The following ECT2L variants were observed in gnomAD, a reference collection of about 807,000 sequenced individuals.
ECT2L encodes the protein epithelial cell-transforming sequence 2 oncogene-like.
A neutral mutation model predicts 122.8 loss-of-function variants in ECT2L; 126 were observed. The ratio of observed to expected loss-of-function variants is 1.03; its 90% CI spans 0.89 to 1.19. The LOEUF (loss-of-function observed/expected upper bound fraction) is 1.19. Among genes scored for constraint, ECT2L ranks in the 50% most tolerant of loss-of-function variants. The pLI is 0.00. For missense variants in ECT2L, 1,012 were observed against 1,064.1 expected, an observed-to-expected ratio of 0.95 and a Z score of 0.68; for synonymous variants, 385 against 381.8, an observed-to-expected ratio of 1.01 and a Z score of -0.10.
At chr6:138,854,550 T>G (rs1263336407) in intron 10 of ECT2L, among the ~76,000 whole-genome samples, 1 of 152,276 alleles carries the variant, frequency 6.6e-6, no homozygotes, top group South Asian at 2.1e-4. Context: ...GAACCTGAAC[T>G]TGAGTCCCGC....
chr6:138,802,465 A>C (rs1032927763), intron 1 of ECT2L, among the ~76,000 whole-genome samples: 37 of 152,268 alleles, frequency 2.4e-4, no homozygotes, highest in African/African-American at 8.4e-4. Flanking sequence ...ACACTGTGAT[A>C]GTCTCCATAT....
chr6:138,835,339 A>G (rs1041020856), intron 4 of ECT2L, among the ~76,000 whole-genome samples: 1 of 152,094 alleles, frequency 6.6e-6, no homozygotes, highest in Non-Finnish European at 1.5e-5. Context: ...GCTTGAGCTT[A>G]AGAGTTCAAA....
intron 4 of ECT2L, among the ~76,000 whole-genome samples, chr6:138,831,768 AAAT>A (rs1776655632): frequency 6.6e-6 from 1 of 152,250 alleles, no homozygotes. Flanking sequence ...AAGGGATTCA[AAAT>A]AATGTTGATT....
chr6:138,897,866 T>C (rs1779269034), intron 20 of ECT2L, among the ~76,000 whole-genome samples: 1 of 152,170 alleles, frequency 6.6e-6, no homozygotes, highest in African/African-American at 2.4e-5. Context: ...TCACCTCTAA[T>C]ATCGGCATTG....
At chr6:138,895,055 T>C (rs1451329050) in intron 20 of ECT2L, among the ~76,000 whole-genome samples, 1 of 152,042 alleles carries the variant, frequency 6.6e-6, no homozygotes, top group African/African-American at 2.4e-5. Context: ...GGCCAGGAGT[T>C]CTAGACCAGC....
At chr6:138,893,611 G>A (rs1250757365) in intron 20 of ECT2L, among the ~76,000 whole-genome samples, 3 of 151,852 alleles carry the variant, frequency 2.0e-5, no homozygotes, top group African/African-American at 4.8e-5. Flanking sequence ...TAGTAGAGAC[G>A]GGGTTTTACC....
chr6:138,810,726 G>A (rs1009160404), intron 1 of ECT2L, among the ~76,000 whole-genome samples: 1 of 152,134 alleles, frequency 6.6e-6, no homozygotes, highest in African/African-American at 2.4e-5. Flanking sequence ...ATCTATTGCA[G>A]TTATCCTTTC....
intron 14 of ECT2L, chr6:138,879,391 G>C (rs1349605901): frequency 1.3e-5 from 2 of 152,700 alleles, no homozygotes; most frequent in African/African-American, 2.4e-5. Context: ...TATTTTATTG[G>C]GGGCAGTGTG....
Position 138,881,189 on chromosome 6 carries a change from AT to A in ECT2L, c.1880+26del, listed in dbSNP as rs370532609. On this transcript the variant is annotated intron_variant, in intron 15 of 21. Transcript: ENST00000541398. The stretch of plus-strand genomic sequence containing the variant: ...CTCAACAGGTAAACCCTGAATATGT[AT>A]TTTTTTTAATATTCATTGTGCACTG... The A allele has an allele frequency of 3.3e-4, 528 of 1,603,196 alleles. 1 individual carries two copies. In the African/African-American group the frequency reaches 6.1e-3, roughly 19 times the overall value.
In ECT2L at chr6:138,813,161, G is replaced by T; in HGVS notation, c.-103-11G>T. On this transcript the variant is annotated splice_polypyrimidine_tract_variant and intron_variant, in intron 2 of 21. Transcript: ENST00000541398. ...TTCCTATAAGGACATTAACATATTGGTTATTTCTAGGTGATCTTAATTGCA... is the reference window on the plus strand; with the variant it reads ...TTCCTATAAGGACATTAACATATTGTTTATTTCTAGGTGATCTTAATTGCA... 1 of 650,946 alleles carries T rather than the reference G, an allele frequency of 1.5e-6. No individual in the cohort carries two copies. The highest frequency in any genetic ancestry group is 2.7e-6 in the Non-Finnish European group (1 of 369,906). 40.3% of individuals were successfully genotyped at this position (650,946 alleles called of 1,614,324 possible).
intron 1 of ECT2L, among the ~76,000 whole-genome samples, chr6:138,798,195 T>G (rs553986780): frequency 6.6e-6 from 1 of 152,282 alleles, no homozygotes; most frequent in East Asian, 1.9e-4. Context: ...AATGGAGGAT[T>G]CATTCATAGG....
At chr6:138,853,505 G>A (rs778576624) in intron 9 of ECT2L, among the ~76,000 whole-genome samples, 1 of 152,120 alleles carries the variant, frequency 6.6e-6, no homozygotes, top group Non-Finnish European at 1.5e-5. Context: ...ACCGGAGCCT[G>A]GGGATGCGGA....
At chr6:138,882,942 G>C (rs893396008) in intron 16 of ECT2L, 71 bp downstream of exon 16, 1 of 1,516,012 alleles carries the variant, frequency 6.6e-7, no homozygotes, top group African/African-American at 1.4e-5. Flanking sequence ...GAACCCGAAA[G>C]ACCAGCGTTA....
chr6:138,805,875 G>C (rs1775694898), intron 1 of ECT2L, among the ~76,000 whole-genome samples: 1 of 152,200 alleles, frequency 6.6e-6, no homozygotes, highest in Non-Finnish European at 1.5e-5. Context: ...TTGATTCAAG[G>C]AGAGGGAGAA....
chr6:138,854,620 T>C (rs1777555885), intron 10 of ECT2L, among the ~76,000 whole-genome samples: 1 of 152,146 alleles, frequency 6.6e-6, no homozygotes, highest in Non-Finnish European at 1.5e-5. Flanking sequence ...TTTCCTCATA[T>C]GAAATTTAGA....
intron 13 of ECT2L, 99 bp from the exon 14 acceptor site, chr6:138,876,373 G>C: frequency 1.3e-6 from 1 of 740,866 alleles, no homozygotes; most frequent in East Asian, 2.6e-5. Flanking sequence ...GGTTGGGGCT[G>C]AAGGCAGAGG....
At chr6:138,856,645 A>C (rs1209053319) in intron 10 of ECT2L, among the ~76,000 whole-genome samples, 2 of 152,210 alleles carry the variant, frequency 1.3e-5, no homozygotes, top group African/African-American at 2.4e-5. Flanking sequence ...CCTTGCAAAG[A>C]ATCTGAACTT....
chr6:138,884,718 A>C (rs1778754374), intron 16 of ECT2L, among the ~76,000 whole-genome samples: 1 of 152,192 alleles, frequency 6.6e-6, no homozygotes, highest in South Asian at 2.1e-4. Flanking sequence ...AACGTAATTA[A>C]CAGAAGTATT....
chr6:138,867,074 AAAAAAAAC>A (rs370228856), intron 12 of ECT2L, among the ~76,000 whole-genome samples: 7,222 of 151,472 alleles, frequency 0.048, 528 homozygotes, highest in African/African-American at 0.16. Flanking sequence ...ACCCTGTCTC[AAAAAAAAC>A]AAAAAAACAA....
Sources: gnomAD v4.1 joint callset for allele counts (sites outside exome capture counted in the v4.1 genomes callset) on GRCh38, gnomAD v4.1.1 for gene constraint, MANE v1.5 for transcripts, NCBI Gene and HGNC (gene_info 2026-07-23, HGNC 2026-07-21) for gene names.